Variants in MTUS1 observed in about 807,000 individuals in gnomAD.
MTUS1 encodes the protein microtubule associated scaffold protein 1, also known as microtubule-associated tumor suppressor 1.
In MTUS1, 109 loss-of-function variants were observed where a neutral mutation model predicts 120.8. That is an observed-to-expected ratio of 0.90 (90% CI 0.77 to 1.06). The LOEUF (loss-of-function observed/expected upper bound fraction) is 1.06. Ranked by LOEUF, MTUS1 falls within the 50% of genes least tolerant of loss-of-function variation. MTUS1 has a pLI of 0.00. For synonymous variants in MTUS1, 737 were observed against 550.5 expected (o/e 1.34, Z -4.74); for missense variants, 2,210 against 1,486.3 (o/e 1.49, Z -8.01).
intron 1 of MTUS1, among the ~76,000 whole-genome samples, chr8:17,773,205 T>C (rs914362736): frequency 1.6e-4 from 25 of 152,176 alleles, no homozygotes; most frequent in Admixed American, 5.9e-4. Flanking sequence ...AAAGACTGTA[T>C]TAAACATCAC....
At chr8:17,653,627 T>C (rs923515879) in intron 10 of MTUS1, 129 bp from the exon 11 acceptor site, 2 of 661,232 alleles carry the variant, frequency 3.0e-6, no homozygotes, top group Non-Finnish European at 5.0e-6. Flanking sequence ...ATCTATAGTA[T>C]GCTTTTATGT....
chr8:17,687,272 G>T (rs531774810), intron 6 of MTUS1, among the ~76,000 whole-genome samples: 1 of 152,120 alleles, frequency 6.6e-6, no homozygotes, highest in African/African-American at 2.4e-5. Flanking sequence ...CATGGCAGCC[G>T]ATGACCCAGT....
chr8:17,689,966 C>T (rs1019558244), intron 6 of MTUS1, among the ~76,000 whole-genome samples: 7 of 151,822 alleles, frequency 4.6e-5, no homozygotes, highest in Non-Finnish European at 7.4e-5. Flanking sequence ...CATTGGCCGA[C>T]GCAAGGAATT....
chr8:17,787,622 T>C (rs756878557), intron 1 of MTUS1, among the ~76,000 whole-genome samples: 1 of 152,206 alleles, frequency 6.6e-6, no homozygotes, highest in African/African-American at 2.4e-5. Context: ...AAGCCAAAAA[T>C]ATTCTTCGCC....
At chr8:17,710,024 T>A (rs531612135) in intron 6 of MTUS1, among the ~76,000 whole-genome samples, 9 of 151,672 alleles carry the variant, frequency 5.9e-5, no homozygotes, top group Non-Finnish European at 1.2e-4. Flanking sequence ...AAAAACACCT[T>A]AATTTAAAAA....
intron 4 of MTUS1, among the ~76,000 whole-genome samples, chr8:17,720,752 G>T (rs2045773055): frequency 6.6e-6 from 1 of 152,076 alleles, no homozygotes; most frequent in South Asian, 2.1e-4. Context: ...TTACTTTAAT[G>T]ATCTTAAAAA....
intron 6 of MTUS1, chr8:17,705,667 G>C (rs1345330896): frequency 6.6e-6 from 1 of 152,218 alleles, no homozygotes; most frequent in Admixed American, 6.5e-5. Flanking sequence ...TGGCAGCCTC[G>C]GCATCACCTC....
intron 3 of MTUS1, among the ~76,000 whole-genome samples, chr8:17,732,003 G>A (rs899765783): frequency 2.0e-5 from 3 of 152,204 alleles, no homozygotes; most frequent in African/African-American, 4.8e-5. Context: ...AGAGGGCGAA[G>A]GGGGAGCTGC....
intron 8 of MTUS1, among the ~76,000 whole-genome samples, chr8:17,659,577 C>T (rs965425601): frequency 3.3e-5 from 5 of 151,912 alleles, no homozygotes; most frequent in African/African-American, 1.2e-4. Flanking sequence ...GCCTGTAGTC[C>T]CAGCTACTCA....
At chr8:17,665,021 C>A (rs966200767) in intron 8 of MTUS1, among the ~76,000 whole-genome samples, 1 of 152,160 alleles carries the variant, frequency 6.6e-6, no homozygotes, top group Non-Finnish European at 1.5e-5. Flanking sequence ...ACCTGTTCTG[C>A]CAACAGTATA....
intron 2 of MTUS1, among the ~76,000 whole-genome samples, chr8:17,753,469 C>G (rs1179099297): frequency 6.6e-6 from 1 of 152,110 alleles, no homozygotes; most frequent in African/African-American, 2.4e-5. Flanking sequence ...TTTCAGCACA[C>G]TATTAAAAGG....
chr8:17,768,406 G>A (rs1461581908), intron 1 of MTUS1, among the ~76,000 whole-genome samples: 1 of 152,116 alleles, frequency 6.6e-6, no homozygotes, highest in Non-Finnish European at 1.5e-5. Context: ...CATAGAGACA[G>A]ATACTAGTTT....
intron 8 of MTUS1, among the ~76,000 whole-genome samples, chr8:17,672,627 G>A (rs1812258299): frequency 6.6e-6 from 1 of 152,134 alleles, no homozygotes; most frequent in Non-Finnish European, 1.5e-5. Flanking sequence ...TCCACTTACA[G>A]AACCAAAACC....
At chr8:17,751,041 GC>G in intron 2 of MTUS1, among the ~76,000 whole-genome samples, 1 of 152,328 alleles carries the variant, frequency 6.6e-6, no homozygotes, top group East Asian at 1.9e-4. Flanking sequence ...ATCCGACCGG[GC>G]GCGATGGCTC....
At chr8:17,648,267 C>G (rs914575451) in intron 13 of MTUS1, among the ~76,000 whole-genome samples, 1 of 152,164 alleles carries the variant, frequency 6.6e-6, no homozygotes, top group African/African-American at 2.4e-5. Flanking sequence ...GTGGGTCTCC[C>G]TCTCATTGTA....
chr8:17,719,859 TG>T (rs1182072977), intron 4 of MTUS1, among the ~76,000 whole-genome samples: 4 of 152,142 alleles, frequency 2.6e-5, no homozygotes, highest in African/African-American at 9.7e-5. Context: ...CTTAATCACT[TG>T]AACAACTCAA....
intron 6 of MTUS1, among the ~76,000 whole-genome samples, chr8:17,700,927 G>A (rs1818951659): frequency 6.6e-6 from 1 of 152,026 alleles, no homozygotes; most frequent in South Asian, 2.1e-4. Context: ...CCACTGGTCT[G>A]CATAGAAATG....
In MTUS1 at chr8:17,660,970, T is replaced by C. The variant is rs984984850; in HGVS notation, c.2906-4905A>G. 3.3e-5 allele frequency among the ~76,000 whole-genome samples: 5 copies of C among 152,320 alleles called. No individual in the cohort carries two copies. In the South Asian group the frequency reaches 8.3e-4, roughly 25 times the overall value. On this transcript the variant is annotated intron_variant, in intron 8 of 14. Transcript: ENST00000693296. Reference sequence around the variant, plus strand: ...CGCACGCAACTCAAGCCTTTGGGACTGAATATTAAAAGTTTCTTTTCTCCT... The same window carrying C: ...CGCACGCAACTCAAGCCTTTGGGACCGAATATTAAAAGTTTCTTTTCTCCT...
chr8:17,686,162 C>T (rs1335285421), intron 6 of MTUS1, among the ~76,000 whole-genome samples: 1 of 152,196 alleles, frequency 6.6e-6, no homozygotes, highest in Non-Finnish European at 1.5e-5. Flanking sequence ...AGAAGGCTCA[C>T]AGGTGTGAAT....
Sources: gnomAD v4.1 joint callset for allele counts (sites outside exome capture counted in the v4.1 genomes callset) on GRCh38, gnomAD v4.1.1 for gene constraint, MANE v1.5 for transcripts, NCBI Gene and HGNC (gene_info 2026-07-23, HGNC 2026-07-21) for gene names.